The following FHOD3 variants were observed in gnomAD, a reference collection of about 807,000 sequenced individuals.
The protein encoded by FHOD3 is formin homology 2 domain containing 3.
In FHOD3, 90 loss-of-function variants were observed where a neutral mutation model predicts 173.0. That is an observed-to-expected ratio of 0.52 (90% CI 0.44 to 0.62). The LOEUF is 0.62. Among genes scored for constraint, FHOD3 ranks in the 20% least tolerant of loss-of-function variants. FHOD3 has a pLI of 0.00. For missense variants in FHOD3, 1,945 were observed against 2,034.7 expected (o/e 0.96, Z 0.85); for synonymous variants, 828 against 823.0 (o/e 1.01, Z -0.10).
chr18:36,464,853 C>T (rs2052812171), intron 3 of FHOD3, among the ~76,000 whole-genome samples: 1 of 152,138 alleles, frequency 6.6e-6, no homozygotes, highest in South Asian at 2.1e-4. Flanking sequence ...CCCCCTCTTT[C>T]TTCCTTCTTT....
intron 8 of FHOD3, among the ~76,000 whole-genome samples, chr18:36,605,711 G>A (rs923933356): frequency 6.6e-6 from 1 of 151,856 alleles, no homozygotes; most frequent in African/African-American, 2.4e-5. Context: ...GTTTTGTTTT[G>A]TTGTATTGTA....
At position 36,744,262 on chromosome 18, in the gene FHOD3, C is replaced by T. The variant is rs529879727; in HGVS notation, c.4041+69C>T. 1.5e-4 allele frequency: 220 copies of T among 1,505,712 alleles called. 2 individuals are homozygous for T. In the African/African-American group the frequency reaches 2.7e-3, roughly 19 times the overall value. The allele number at this position is 1,505,712 out of a possible 1,614,324, so 93.3% of individuals were successfully genotyped here. A position where few individuals can be genotyped will look rare whatever the true frequency, so the allele number is the denominator to read the frequency against. On this transcript the variant is annotated intron_variant, in intron 23 of 28. Coordinates refer to ENST00000590592, the MANE Select transcript of FHOD3 (RefSeq NM_001281740.3). Reference sequence around the variant, plus strand: ...CCACGGGATCTTTATCGGTCATCCTCGAGGAACACGAGCCCTATTAAGTAA... The same window carrying T: ...CCACGGGATCTTTATCGGTCATCCTTGAGGAACACGAGCCCTATTAAGTAA...
At chr18:36,719,989 C>A (rs1344224778) in intron 19 of FHOD3, among the ~76,000 whole-genome samples, 3 of 152,126 alleles carry the variant, frequency 2.0e-5, no homozygotes, top group Non-Finnish European at 2.9e-5. Flanking sequence ...CATTTCCAGC[C>A]TCAGGAATCT....
chr18:36,695,361 A>T (rs1282812833), intron 17 of FHOD3, among the ~76,000 whole-genome samples: 2 of 152,104 alleles, frequency 1.3e-5, no homozygotes, highest in Non-Finnish European at 2.9e-5. Flanking sequence ...AATAAAAAAA[A>T]AAAAAAAGAA....
At chr18:36,361,694 A>G (rs1568171669) in intron 2 of FHOD3, among the ~76,000 whole-genome samples, 1 of 151,678 alleles carries the variant, frequency 6.6e-6, no homozygotes, top group Non-Finnish European at 1.5e-5. Flanking sequence ...TCAAAAAAAA[A>G]AAAAAAAGAA....
chr18:36,660,945 A>G (rs767756025), intron 14 of FHOD3, among the ~76,000 whole-genome samples: 8 of 152,238 alleles, frequency 5.3e-5, no homozygotes, highest in South Asian at 2.1e-4. Flanking sequence ...CGAGTACGGT[A>G]GCTTCTAAGA....
intron 1 of FHOD3, among the ~76,000 whole-genome samples, chr18:36,335,354 G>A (rs952973204): frequency 4.0e-5 from 6 of 151,800 alleles, no homozygotes; most frequent in African/African-American, 1.5e-4. Flanking sequence ...AATTAGCCGG[G>A]CGTGGTAGCG....
intron 4 of FHOD3, among the ~76,000 whole-genome samples, chr18:36,507,864 C>A (rs911730918): frequency 5.3e-5 from 8 of 152,064 alleles, no homozygotes; most frequent in African/African-American, 1.9e-4. Context: ...ATGCTCACAC[C>A]ACTCCTCCCC....
At chr18:36,338,417 G>A (rs911685755) in intron 1 of FHOD3, among the ~76,000 whole-genome samples, 3 of 152,206 alleles carry the variant, frequency 2.0e-5, no homozygotes, top group Admixed American at 6.5e-5. Context: ...TTTATGTACC[G>A]TGCCTTTACT....
Position 36,779,437 on chromosome 18 carries a change from C to A in FHOD3, c.4787-11C>A, listed in dbSNP as rs764291874. The A allele has an allele frequency of 3.1e-6, 5 of 1,613,774 alleles. No individual in the cohort carries two copies. Among genetic ancestry groups the A allele is most frequent in the Non-Finnish European group, 4.2e-6 (5 of 1,179,684 alleles). On this transcript the variant is annotated splice_polypyrimidine_tract_variant and intron_variant, in intron 28 of 28. Transcript: ENST00000590592. Reference sequence around the variant, plus strand: ...TCATCCCTTTGGGTGTGACCTGCACCACCACTGCAGTGCGAAGAACCCTGA... The same window carrying A: ...TCATCCCTTTGGGTGTGACCTGCACAACCACTGCAGTGCGAAGAACCCTGA...
chr18:36,630,922 G>T (rs1018373329), intron 10 of FHOD3, among the ~76,000 whole-genome samples: 2 of 152,222 alleles, frequency 1.3e-5, no homozygotes, highest in African/African-American at 4.8e-5. Flanking sequence ...GGTCTTGTGG[G>T]AGTCAGGAGT....
In FHOD3 at chr18:36,769,335, C is replaced by G; in HGVS notation, c.4695C>G (p.Ile1565Met). Residue 1565 changes from isoleucine to methionine, a missense_variant, in exon 28 of 29, where the codon ATC becomes ATG. Around this residue, in one of 5 missense-constraint regions of FHOD3, gnomAD observed 354 missense variants for 359.9 expected, o/e 0.98. Transcript: ENST00000590592. Reference sequence around the variant, plus strand: ...TCACAGATGATGCAGCTGATGAGATCATGGACCGCATCGTCAAGTCAGCCA... The same window carrying G: ...TCACAGATGATGCAGCTGATGAGATGATGGACCGCATCGTCAAGTCAGCCA... ...PNVTDDAADE[I>M]MDRIVKSATQ... The G allele has an allele frequency of 2.5e-6, 4 of 1,614,170 alleles. No individual in the cohort carries two copies. The highest frequency in any genetic ancestry group is 2.5e-6 in the Non-Finnish European group (3 of 1,180,044).
At chr18:36,642,883 T>G (rs1028648009) in intron 10 of FHOD3, among the ~76,000 whole-genome samples, 7 of 151,064 alleles carry the variant, frequency 4.6e-5, no homozygotes, top group African/African-American at 1.5e-4. Flanking sequence ...ATTGTGGGGG[T>G]TTTTTTCAGT....
At chr18:36,595,042 G>T in intron 7 of FHOD3, 144 bp downstream of exon 7, 1 of 593,408 alleles carries the variant, frequency 1.7e-6, no homozygotes, top group Non-Finnish European at 3.0e-6. Context: ...CGTTTTTTAG[G>T]ATAGTAAGCA....
chr18:36,652,757 C>G lies in FHOD3; in HGVS notation c.1474C>G (p.Pro492Ala), dbSNP rs2036149980. ...EATPSALLSP[P>A]ASAARPSSAT... ...CACCCCATCTGCCCTCCTGTCACCC[C>G]CTGCCTCAGCTGCTCGGCCCTCCTC... Residue 492 changes from proline to alanine, a missense_variant, in exon 12 of 29, where the codon CCT (proline) becomes GCT (alanine). Transcript: ENST00000590592. 1 of 1,535,856 alleles carries G rather than the reference C, an allele frequency of 6.5e-7. No individual in the cohort carries two copies. The highest frequency in any genetic ancestry group is 1.4e-5 in the African/African-American group (1 of 73,032).
chr18:36,318,857 G>T (rs1170390527), intron 1 of FHOD3, among the ~76,000 whole-genome samples: 2 of 152,138 alleles, frequency 1.3e-5, no homozygotes, highest in Non-Finnish European at 2.9e-5. Flanking sequence ...TTGGCTGTGG[G>T]TTTGTCATAA....
At chr18:36,557,377 C>A (rs992246743) in intron 5 of FHOD3, among the ~76,000 whole-genome samples, 3 of 151,338 alleles carry the variant, frequency 2.0e-5, no homozygotes, top group African/African-American at 7.3e-5. Flanking sequence ...TGGTTTGTTT[C>A]TATTGCTACA....
At chr18:36,623,047 A>G (rs1482368201) in intron 9 of FHOD3, among the ~76,000 whole-genome samples, 7 of 152,226 alleles carry the variant, frequency 4.6e-5, no homozygotes, top group African/African-American at 1.7e-4. Flanking sequence ...AAGTAGCTTG[A>G]TGTTTTGTTA....
intron 9 of FHOD3, among the ~76,000 whole-genome samples, chr18:36,614,644 C>T (rs1350778406): frequency 6.6e-6 from 1 of 152,066 alleles, no homozygotes; most frequent in Admixed American, 6.6e-5. Flanking sequence ...TTACTCCACA[C>T]CTTTGTCAAC....
Sources: gnomAD v4.1 joint callset for allele counts (sites outside exome capture counted in the v4.1 genomes callset) on GRCh38, gnomAD v4.1.1 for gene constraint, gnomAD v4.1.1 regional missense constraint, MANE v1.5 for transcripts, NCBI Gene and HGNC (gene_info 2026-07-23, HGNC 2026-07-21) for gene names.